The following PPP2R2B variants were observed in gnomAD, a reference collection of about 807,000 sequenced individuals.
PPP2R2B encodes protein phosphatase 2 regulatory subunit Bbeta, also known as serine/threonine-protein phosphatase 2A 55 kDa regulatory subunit B beta isoform.
A neutral mutation model predicts 46.0 loss-of-function variants in PPP2R2B; 5 were observed. The ratio of observed to expected loss-of-function variants is 0.11; its 90% CI spans 0.06 to 0.23. The LOEUF (loss-of-function observed/expected upper bound fraction) is 0.23, where lower values mean the gene tolerates loss of function less well. Among genes scored for constraint, PPP2R2B ranks in the 10% least tolerant of loss-of-function variants. PPP2R2B has a pLI of 1.00. For missense variants in PPP2R2B, 367 were observed against 575.0 expected (o/e 0.64, Z 3.70); for synonymous variants, 215 against 206.7 (o/e 1.04, Z -0.34).
At chr5:146,979,193 T>C (rs1753050347) in intron 1 of PPP2R2B, among the ~76,000 whole-genome samples, 1 of 152,190 alleles carries the variant, frequency 6.6e-6, no homozygotes, top group Non-Finnish European at 1.5e-5. Flanking sequence ...TTTCTCTCAG[T>C]TAACTGCATG....
At chr5:146,706,243 A>G in intron 2 of PPP2R2B, 1 of 473,932 alleles carries the variant, frequency 2.1e-6, no homozygotes, top group Non-Finnish European at 4.0e-6. Context: ...CCAGCTTCCC[A>G]TCTCGGGTCT....
chr5:146,618,029 T>C (rs1376479720), intron 7 of PPP2R2B, among the ~76,000 whole-genome samples: 1 of 152,126 alleles, frequency 6.6e-6, no homozygotes, highest in Non-Finnish European at 1.5e-5. Context: ...GGCAGAATAA[T>C]GCCATTGCCC....
intron 1 of PPP2R2B, among the ~76,000 whole-genome samples, chr5:147,018,179 A>G (rs1462575627): frequency 6.6e-6 from 1 of 152,140 alleles, no homozygotes; most frequent in Admixed American, 6.6e-5. Flanking sequence ...TCAAATATAT[A>G]AAGTACTATT....
At chr5:146,808,250 T>C (rs1235676184) in intron 2 of PPP2R2B, among the ~76,000 whole-genome samples, 1 of 152,182 alleles carries the variant, frequency 6.6e-6, no homozygotes, top group Non-Finnish European at 1.5e-5. Context: ...AAAAACTCAG[T>C]TTCTTATTTG....
intron 1 of PPP2R2B, among the ~76,000 whole-genome samples, chr5:146,924,193 C>T (rs1266514008): frequency 1.3e-5 from 2 of 152,162 alleles, no homozygotes; most frequent in Admixed American, 1.3e-4. Context: ...ATCTATGTAA[C>T]AAACCTGCAC....
chr5:146,970,920 C>T (rs1452006765), intron 1 of PPP2R2B, among the ~76,000 whole-genome samples: 1 of 152,040 alleles, frequency 6.6e-6, no homozygotes, highest in South Asian at 2.1e-4. Flanking sequence ...ATTCAGCTAT[C>T]TAGAAATAAT....
chr5:146,583,052 T>C lies in PPP2R2B; in HGVS notation c.*6895A>G, dbSNP rs1352397436. The C allele has an allele frequency of 6.6e-6, 1 of 152,256 alleles. No individual in the cohort carries two copies. The highest frequency in any genetic ancestry group is 1.5e-5 in the Non-Finnish European group (1 of 68,052). The allele number at this position is 152,256 out of a possible 1,614,324, so 9.4% of individuals were successfully genotyped here. On this transcript the variant is annotated 3_prime_UTR_variant, in exon 10 of 10. Coordinates refer to ENST00000394411, the MANE Select transcript of PPP2R2B (RefSeq NM_181675.4). Reference sequence around the variant, plus strand: ...CTTCCTACTTTTTACTAATCAGTCATACCAGAGTGTTGTGAATTCCATATA... The same window carrying C: ...CTTCCTACTTTTTACTAATCAGTCACACCAGAGTGTTGTGAATTCCATATA...
intron 1 of PPP2R2B, among the ~76,000 whole-genome samples, chr5:146,980,218 C>A (rs753050940): frequency 1.6e-4 from 25 of 152,178 alleles, no homozygotes; most frequent in Non-Finnish European, 3.2e-4. Context: ...TCAGAGTAGA[C>A]TTTCCACATC....
chr5:146,756,706 T>C (rs989625840), intron 2 of PPP2R2B, among the ~76,000 whole-genome samples: 2 of 152,242 alleles, frequency 1.3e-5, no homozygotes, highest in Non-Finnish European at 2.9e-5. Context: ...CAGCATCACA[T>C]GGTTTCCATG....
chr5:146,691,712 A>C (rs1400658089), intron 4 of PPP2R2B, among the ~76,000 whole-genome samples: 1 of 151,790 alleles, frequency 6.6e-6, no homozygotes, highest in Non-Finnish European at 1.5e-5. Context: ...TGCCCTCTCC[A>C]CTTTCTCCAC....
intron 1 of PPP2R2B, among the ~76,000 whole-genome samples, chr5:147,001,057 C>T (rs916239153): frequency 6.6e-6 from 1 of 152,106 alleles, no homozygotes; most frequent in Admixed American, 6.5e-5. Flanking sequence ...TTCTGTCTGG[C>T]TAAAGGTTTG....
intron 7 of PPP2R2B, among the ~76,000 whole-genome samples, chr5:146,629,390 C>T (rs139589702): frequency 6.6e-6 from 1 of 152,284 alleles, no homozygotes; most frequent in African/African-American, 2.4e-5. Context: ...CTCAGCAAGT[C>T]CTCTTAGCCT....
At chr5:147,037,089 C>A (rs1471850003) in intron 1 of PPP2R2B, among the ~76,000 whole-genome samples, 1 of 152,036 alleles carries the variant, frequency 6.6e-6, no homozygotes, top group African/African-American at 2.4e-5. Context: ...GCACAGGGAA[C>A]CCAGGCAGTC....
At position 146,588,927 on chromosome 5, in the gene PPP2R2B, C is replaced by T. The variant is rs1770320959; in HGVS notation, c.*1020G>A. On this transcript the variant is annotated 3_prime_UTR_variant, in exon 10 of 10. Coordinates refer to ENST00000394411, the MANE Select transcript of PPP2R2B (RefSeq NM_181675.4). ...GGATTGTTACTTTTGGTTACCAAAA[C>T]CAGGAGGAGGGGAGGGTGCTGCTTA... 1.3e-5 allele frequency: 2 copies of T among 152,060 alleles called. No individual in the cohort carries two copies. The highest frequency in any genetic ancestry group is 2.1e-4 in the South Asian group (1 of 4,818). The allele number at this position is 152,060 out of a possible 1,614,324, so 9.4% of individuals were successfully genotyped here. A position where few individuals can be genotyped will look rare whatever the true frequency, so the allele number is the denominator to read the frequency against.
At chr5:146,734,890 G>T (rs1185736120) in intron 2 of PPP2R2B, among the ~76,000 whole-genome samples, 1 of 152,140 alleles carries the variant, frequency 6.6e-6, no homozygotes, top group African/African-American at 2.4e-5. Flanking sequence ...TACAATTACT[G>T]TTGCACCAAC....
intron 2 of PPP2R2B, among the ~76,000 whole-genome samples, chr5:147,079,993 A>G (rs992035599): frequency 6.6e-6 from 1 of 152,172 alleles, no homozygotes; most frequent in Non-Finnish European, 1.5e-5. Flanking sequence ...ATAATTTTAT[A>G]TGGATTTATT....
chr5:147,042,253 A>G (rs1302701539), intron 1 of PPP2R2B, among the ~76,000 whole-genome samples: 1 of 152,110 alleles, frequency 6.6e-6, no homozygotes, highest in Non-Finnish European at 1.5e-5. Context: ...ACCAAAGTAT[A>G]AAAGAAAATC....
At chr5:146,841,939 T>C (rs901176954) in intron 2 of PPP2R2B, among the ~76,000 whole-genome samples, 5 of 152,086 alleles carry the variant, frequency 3.3e-5, no homozygotes, top group African/African-American at 1.2e-4. Context: ...AATGAAAATA[T>C]AAAGAAAAAA....
chr5:146,869,127 A>G (rs1761472832), intron 2 of PPP2R2B, among the ~76,000 whole-genome samples: 1 of 152,314 alleles, frequency 6.6e-6, no homozygotes, highest in East Asian at 1.9e-4. Flanking sequence ...CTGGGCACAT[A>G]TGAATAGGTA....
Sources: allele counts gnomAD v4.1 joint callset (sites outside exome capture counted in the v4.1 genomes callset), GRCh38; gene constraint gnomAD v4.1.1; transcripts MANE v1.5; gene names NCBI Gene and HGNC (gene_info 2026-07-23, HGNC 2026-07-21).